Variants in CLASP2 observed in about 807,000 individuals in gnomAD.
CLASP2 encodes cytoplasmic linker associated protein 2.
Under a neutral mutation model 194.4 loss-of-function variants are expected in CLASP2, and 47 were observed. The observed-to-expected ratio is 0.24, with a 90% CI of 0.19 to 0.31. CLASP2 has a LOEUF of 0.31. CLASP2 is among the 10% of genes least tolerant of loss of function. The pLI is 1.00. For synonymous variants in CLASP2, 619 were observed against 633.5 expected, an observed-to-expected ratio of 0.98 and a Z score of 0.34; for missense variants, 1,445 against 1,823.6, an observed-to-expected ratio of 0.79 and a Z score of 3.78.
intron 7 of CLASP2, among the ~76,000 whole-genome samples, chr3:33,645,727 T>C (rs1206609441): frequency 2.6e-5 from 4 of 152,202 alleles, no homozygotes; most frequent in East Asian, 1.9e-4. Flanking sequence ...GGGATGCTTA[T>C]TGCATCAGTA....
chr3:33,592,495 G>T lies in CLASP2; in HGVS notation c.1968C>A (p.Gly656=), dbSNP rs759787148. 1 of 1,607,628 alleles carries T rather than the reference G, an allele frequency of 6.2e-7. No homozygotes were observed. Among genetic ancestry groups the T allele is most frequent in the Non-Finnish European group, 8.5e-7 (1 of 1,175,752 alleles). ...DKLDGTASED[G]RVRAKLSAPL... is the part of the protein sequence containing the mutation. ...GTGCTGAAAGTTTTGCTCTCACCCG[G>T]CCTGAGAAATAAAATATTTACATAA... The change falls in exon 21 of 39, where the codon GGC becomes GGA. Residue 656 remains glycine, a splice_region_variant and synonymous_variant. Coordinates refer to ENST00000682230, the MANE Select transcript of CLASP2 (RefSeq NM_001365631.1).
chr3:33,708,490 GTA>G (rs149383675), intron 1 of CLASP2, among the ~76,000 whole-genome samples: 99,224 of 127,764 alleles, frequency 0.78, 37,015 homozygotes, highest in Middle Eastern at 0.86. Flanking sequence ...GTGTGTGTAT[GTA>G]TATATATATA....
chr3:33,584,072 C>T (rs547190170), intron 22 of CLASP2, among the ~76,000 whole-genome samples: 2 of 152,102 alleles, frequency 1.3e-5, no homozygotes, highest in African/African-American at 4.8e-5. Context: ...TTGAAAGTAT[C>T]CTAATCAATA....
chr3:33,605,400 C>A (rs2073547898), intron 16 of CLASP2, among the ~76,000 whole-genome samples: 2 of 152,072 alleles, frequency 1.3e-5, no homozygotes, highest in Admixed American at 1.3e-4. Context: ...GGTCATTATT[C>A]CTACAACAAT....
intron 2 of CLASP2, among the ~76,000 whole-genome samples, chr3:33,690,226 G>C (rs554771097): frequency 1.3e-5 from 2 of 152,210 alleles, no homozygotes; most frequent in African/African-American, 4.8e-5. Flanking sequence ...AATTCAAAGG[G>C]AACAGGTTCT....
At chr3:33,668,010 G>A (rs577242884) in intron 6 of CLASP2, among the ~76,000 whole-genome samples, 2 of 152,186 alleles carry the variant, frequency 1.3e-5, no homozygotes, top group South Asian at 4.2e-4. Context: ...ACAAGGTCAG[G>A]AGTTTGAGAC....
At chr3:33,588,827 C>A in intron 21 of CLASP2, 1 of 674,888 alleles carries the variant, frequency 1.5e-6, no homozygotes, top group South Asian at 1.6e-5. Context: ...AATAAGAAAG[C>A]TTTAGTCAGT....
intron 2 of CLASP2, among the ~76,000 whole-genome samples, chr3:33,694,100 A>G (rs2091629205): frequency 6.6e-6 from 1 of 152,118 alleles, no homozygotes; most frequent in Non-Finnish European, 1.5e-5. Flanking sequence ...GAAGATTTCA[A>G]AACGAAATAA....
At chr3:33,600,087 T>TG (rs1415729354) in intron 18 of CLASP2, among the ~76,000 whole-genome samples, 4 of 152,106 alleles carry the variant, frequency 2.6e-5, no homozygotes, top group East Asian at 3.8e-4. Context: ...ATATATTTTT[T>TG]TTGTGTGTGT....
At chr3:33,542,341 A>T (rs1480546578) in intron 32 of CLASP2, among the ~76,000 whole-genome samples, 1 of 148,374 alleles carries the variant, frequency 6.7e-6, no homozygotes, top group Non-Finnish European at 1.5e-5. Flanking sequence ...ATATATCATT[A>T]TATATATAAT....
chr3:33,622,291 G>A lies in CLASP2; in HGVS notation c.1036-11C>T. ...TCGAATTTTCTTCAGCTGAAATAAA[G>A]AATTTTCATTATTGACAAAAAAGGT... On this transcript the variant is annotated splice_polypyrimidine_tract_variant and intron_variant, in intron 10 of 38. Transcript: ENST00000682230. 2 of 1,437,264 alleles carry A rather than the reference G, an allele frequency of 1.4e-6. No homozygotes were observed. The highest frequency in any genetic ancestry group is 5.2e-5 in the East Asian group (2 of 38,818). 89.0% of individuals were successfully genotyped at this position (1,437,264 alleles called of 1,614,324 possible). A position where few individuals can be genotyped will look rare whatever the true frequency, so the allele number is the denominator to read the frequency against.
At chr3:33,649,073 C>T (rs371233119) in intron 7 of CLASP2, among the ~76,000 whole-genome samples, 4 of 151,516 alleles carry the variant, frequency 2.6e-5, no homozygotes, top group African/African-American at 4.8e-5. Context: ...CTCTCTAATC[C>T]CCCCACCAGC....
intron 2 of CLASP2, among the ~76,000 whole-genome samples, chr3:33,691,190 G>A (rs2091312768): frequency 6.6e-6 from 1 of 152,118 alleles, no homozygotes; most frequent in African/African-American, 2.4e-5. Flanking sequence ...TTGGAACACA[G>A]CCCCTGAAGA....
intron 36 of CLASP2, among the ~76,000 whole-genome samples, chr3:33,511,559 A>G (rs879757174): frequency 6.6e-6 from 1 of 152,168 alleles, no homozygotes; most frequent in African/African-American, 2.4e-5. Flanking sequence ...AAAAGTTAAC[A>G]TACTATTCCT....
chr3:33,507,407 T>C (rs747774952), intron 37 of CLASP2, among the ~76,000 whole-genome samples: 17 of 152,264 alleles, frequency 1.1e-4, no homozygotes, highest in Non-Finnish European at 2.4e-4. Flanking sequence ...CTCTATTCTC[T>C]GAACTTCCTT....
At chr3:33,526,478 A>G (rs1328812712) in intron 34 of CLASP2, among the ~76,000 whole-genome samples, 2 of 151,668 alleles carry the variant, frequency 1.3e-5, no homozygotes, top group Non-Finnish European at 2.9e-5. Context: ...CAGATTCATA[A>G]AGCAAGTTCT....
intron 6 of CLASP2, among the ~76,000 whole-genome samples, chr3:33,677,192 T>C (rs2088846152): frequency 6.6e-6 from 1 of 152,146 alleles, no homozygotes; most frequent in African/African-American, 2.4e-5. Flanking sequence ...GACCCAGCCA[T>C]CCCATTACTG....
At chr3:33,576,967 G>C (rs1215765070) in intron 23 of CLASP2, among the ~76,000 whole-genome samples, 1 of 148,210 alleles carries the variant, frequency 6.7e-6, no homozygotes, top group Non-Finnish European at 1.5e-5. Context: ...ATTTAAAAAT[G>C]ACACAACAGG....
chr3:33,565,928 G>C (rs1454390852), intron 27 of CLASP2, among the ~76,000 whole-genome samples: 1 of 152,012 alleles, frequency 6.6e-6, no homozygotes, highest in Non-Finnish European at 1.5e-5. Context: ...GTTATGTTTT[G>C]GGGAGTTAAA....
Sources: gnomAD v4.1 joint callset for allele counts (sites outside exome capture counted in the v4.1 genomes callset) on GRCh38, gnomAD v4.1.1 for gene constraint, MANE v1.5 for transcripts, NCBI Gene and HGNC (gene_info 2026-07-23, HGNC 2026-07-21) for gene names.